Variants in CHN2 observed in about 807,000 individuals in gnomAD.
The protein encoded by CHN2 is chimerin 2.
CHN2 carries 35 observed loss-of-function variants against 56.3 expected under a neutral mutation model. That is an observed-to-expected ratio of 0.62 (90% CI 0.47 to 0.82). The LOEUF is 0.82. Among genes scored for constraint, CHN2 ranks in the 40% least tolerant of loss-of-function variants. The pLI, the probability that CHN2 is intolerant of heterozygous loss-of-function variation, is 0.00. For missense variants in CHN2, 491 were observed against 580.5 expected, an observed-to-expected ratio of 0.85 and a Z score of 1.58; for synonymous variants, 210 against 212.8, an observed-to-expected ratio of 0.99 and a Z score of 0.12.
chr7:29,361,223 C>T (rs899561200), intron 2 of CHN2, among the ~76,000 whole-genome samples: 4 of 152,108 alleles, frequency 2.6e-5, no homozygotes, highest in Non-Finnish European at 4.4e-5. Flanking sequence ...TCAGATTATG[C>T]GATAAATTTC....
At chr7:29,434,541 C>T (rs1383121384) in intron 6 of CHN2, among the ~76,000 whole-genome samples, 1 of 152,076 alleles carries the variant, frequency 6.6e-6, no homozygotes, top group Admixed American at 6.5e-5. Context: ...ATCTCTGCCT[C>T]CATTGTCACA....
At chr7:29,410,212 G>T (rs962868961) in intron 6 of CHN2, among the ~76,000 whole-genome samples, 1 of 152,182 alleles carries the variant, frequency 6.6e-6, no homozygotes, top group Non-Finnish European at 1.5e-5. Flanking sequence ...AAACAGGGTA[G>T]TGTCTTGTTT....
In CHN2 at chr7:29,187,110, C is replaced by T. The variant is rs1054797921; in HGVS notation, c.274+40150C>T. Reference sequence around the variant, plus strand: ...AGTGACTTTTCTATATCACTAATGGCAGAAAGCATGGTGAGAGTGGTCATA... The same window carrying T: ...AGTGACTTTTCTATATCACTAATGGTAGAAAGCATGGTGAGAGTGGTCATA... On this transcript the variant is annotated intron_variant, in intron 2 of 6. Transcript: ENST00000439384. Among the ~76,000 whole-genome samples, 19 of 152,218 alleles carry T rather than the reference C, an allele frequency of 1.2e-4. 1 individual carries two copies. The South Asian group carries it at 3.9e-3, about 32-fold the overall frequency.
chr7:29,443,219 C>T (rs145854234), intron 6 of CHN2, among the ~76,000 whole-genome samples: 1 of 152,064 alleles, frequency 6.6e-6, no homozygotes, highest in Non-Finnish European at 1.5e-5. Flanking sequence ...GGATTACAGG[C>T]GTGAGCCACT....
chr7:29,261,583 A>T (rs1789559841), intron 1 of CHN2, among the ~76,000 whole-genome samples: 1 of 152,208 alleles, frequency 6.6e-6, no homozygotes, highest in African/African-American at 2.4e-5. Context: ...ATCCCTCAGA[A>T]TTTAGGACTT....
chr7:29,501,610 G>C (rs910797343), intron 9 of CHN2, among the ~76,000 whole-genome samples: 13 of 152,186 alleles, frequency 8.5e-5, no homozygotes, highest in African/African-American at 2.4e-4. Flanking sequence ...GCGAGATAGA[G>C]TAGCACAAAT....
intron 3 of CHN2, among the ~76,000 whole-genome samples, chr7:29,375,319 C>T (rs1799988397): frequency 6.6e-6 from 1 of 151,016 alleles, no homozygotes; most frequent in Non-Finnish European, 1.5e-5. Context: ...CTGCCTCAGC[C>T]TCCCGAGTAG....
chr7:29,398,615 A>T, intron 5 of CHN2, 129 bp downstream of exon 5: 1 of 631,118 alleles, frequency 1.6e-6, no homozygotes. Context: ...TTATGTTATG[A>T]GGGGGGGGTC....
intron 1 of CHN2, among the ~76,000 whole-genome samples, chr7:29,345,061 G>A (rs1420965929): frequency 6.6e-6 from 1 of 152,210 alleles, no homozygotes; most frequent in African/African-American, 2.4e-5. Flanking sequence ...GAGAGGGCAA[G>A]TGGGGGCTGA....
chr7:29,468,696 C>T (rs1286812111), intron 6 of CHN2, among the ~76,000 whole-genome samples: 1 of 152,092 alleles, frequency 6.6e-6, no homozygotes, highest in East Asian at 1.9e-4. Flanking sequence ...AATCAGATTC[C>T]CCCGACTGCT....
chr7:29,283,712 G>A (rs1311494094), intron 1 of CHN2, among the ~76,000 whole-genome samples: 3 of 151,880 alleles, frequency 2.0e-5, no homozygotes, highest in Admixed American at 1.3e-4. Context: ...TCCACCTCCC[G>A]AGTTCAAGCA....
At chr7:29,508,036 A>G (rs1340301741) in intron 11 of CHN2, among the ~76,000 whole-genome samples, 1 of 152,210 alleles carries the variant, frequency 6.6e-6, no homozygotes, top group Non-Finnish European at 1.5e-5. Context: ...ATAGAGGGCC[A>G]GAATACACTG....
At position 29,332,325 on chromosome 7, in the gene CHN2, T is replaced by C. The variant is rs568544283; in HGVS notation, c.50-22300T>C. On this transcript the variant is annotated intron_variant, in intron 1 of 12. Transcript: ENST00000222792. ...TTGGGAGGCTGAAATGAAAAGATAA[T>C]TGTAAAATACTTAGCCTGGAACAGA... Among the ~76,000 whole-genome samples, 12 of 152,248 alleles carry C rather than the reference T, an allele frequency of 7.9e-5. No homozygotes were observed. In the East Asian group the frequency reaches 2.1e-3, roughly 27 times the overall value.
intron 1 of CHN2, among the ~76,000 whole-genome samples, chr7:29,281,758 C>G (rs1163293045): frequency 5.3e-5 from 8 of 152,224 alleles, no homozygotes; most frequent in Non-Finnish European, 7.3e-5. Flanking sequence ...AGACACCGTA[C>G]AGCCCCGTCA....
At chr7:29,303,979 G>A (rs1053788387) in intron 1 of CHN2, among the ~76,000 whole-genome samples, 13 of 152,038 alleles carry the variant, frequency 8.6e-5, no homozygotes, top group Non-Finnish European at 1.6e-4. Context: ...AGAATGGCTT[G>A]AACCCAGGAG....
chr7:29,286,705 G>A (rs1792176721), intron 1 of CHN2, among the ~76,000 whole-genome samples: 1 of 152,202 alleles, frequency 6.6e-6, no homozygotes, highest in African/African-American at 2.4e-5. Context: ...ACCCTAAAGT[G>A]GAGATGCTGT....
intron 6 of CHN2, among the ~76,000 whole-genome samples, chr7:29,462,211 A>G (rs1785218666): frequency 1.3e-5 from 2 of 152,228 alleles, no homozygotes; most frequent in Admixed American, 6.5e-5. Context: ...CTGAACAAAC[A>G]TATGTGCTTG....
chr7:29,235,462 A>G (rs1194522008), intron 1 of CHN2, among the ~76,000 whole-genome samples: 1 of 152,234 alleles, frequency 6.6e-6, no homozygotes, highest in Non-Finnish European at 1.5e-5. Context: ...TACTGTGGAA[A>G]GCACTTTGAA....
rs1788668647 is a variant in CHN2, at chr7:29,252,578, G to GTTTTTTTTTTGTTTTT, written c.49+57598_49+57599insGTTTTTTTTTTTTTTT. Among the ~76,000 whole-genome samples, 2 of 19,488 alleles carry GTTTTTTTTTTGTTTTT rather than the reference G, an allele frequency of 1.0e-4. 1 individual carries two copies. The highest frequency in any genetic ancestry group is 1.6e-4 in the Non-Finnish European group (2 of 12,192). The allele number at this position is 19,488 out of a possible 152,430, so 12.8% of individuals were successfully genotyped here. A position where few individuals can be genotyped will look rare whatever the true frequency, so the allele number is the denominator to read the frequency against. Reference sequence around the variant, plus strand: ...CTGTTTGTCTAAAATTGCATTCTTTGTTTTTTTTTTTTTTTTTTTTTTTTT... The same window carrying GTTTTTTTTTTGTTTTT: ...CTGTTTGTCTAAAATTGCATTCTTTGTTTTTTTTTTGTTTTTTTTTTTTTTTTTTTTTTTTTTTTTT... On this transcript the variant is annotated intron_variant, in intron 1 of 12. Transcript: ENST00000222792.
Sources: allele counts gnomAD v4.1 joint callset (sites outside exome capture counted in the v4.1 genomes callset), GRCh38; gene constraint gnomAD v4.1.1; transcripts MANE v1.5; gene names NCBI Gene and HGNC (gene_info 2026-07-23, HGNC 2026-07-21).